Variants in RET observed in about 807,000 individuals in gnomAD.
RET encodes the protein proto-oncogene tyrosine-protein kinase receptor Ret.
RET carries 19 observed loss-of-function variants against 118.3 expected under a neutral mutation model. The observed-to-expected ratio is 0.16, with a 90% CI of 0.11 to 0.24. RET has a LOEUF of 0.24. Among genes scored for constraint, RET ranks in the 10% least tolerant of loss-of-function variants. The probability of loss-of-function intolerance (pLI) is 1.00; values close to 1 mark genes in which losing one functional copy is unlikely to be tolerated. For synonymous variants in RET, 597 were observed against 644.1 expected, an observed-to-expected ratio of 0.93 and a Z score of 1.11; for missense variants, 1,219 against 1,502.1, an observed-to-expected ratio of 0.81 and a Z score of 3.12.
chr10:43,099,635 T>C (rs1367176729), intron 1 of RET, among the ~76,000 whole-genome samples: 3 of 152,224 alleles, frequency 2.0e-5, no homozygotes, highest in African/African-American at 7.2e-5. Flanking sequence ...ATCTGCACCC[T>C]TCTCAGGATA....
In RET at chr10:43,096,280, C is replaced by T. The variant is rs893346376; in HGVS notation, c.74-4179C>T. 3.3e-5 allele frequency among the ~76,000 whole-genome samples: 5 copies of T among 152,222 alleles called. 1 individual carries two copies. Among genetic ancestry groups the T allele is most frequent in the Non-Finnish European group, 5.9e-5 (4 of 67,992 alleles). ...CAGGCGGCCCTTCTAGGCAGAAAGG[C>T]GGCAGCAGGATGGGAAGCCAACCAG... On this transcript the variant is annotated intron_variant, in intron 1 of 19. Coordinates refer to ENST00000355710, the MANE Select transcript of RET (RefSeq NM_020975.6).
intron 1 of RET, among the ~76,000 whole-genome samples, chr10:43,086,853 AGGGCC>A (rs1837299151): frequency 6.6e-6 from 1 of 152,224 alleles, no homozygotes; most frequent in African/African-American, 2.4e-5. Flanking sequence ...CGTGCAGCTT[AGGGCC>A]TGGGCCCCTC....
chr10:43,083,323 A>G (rs1837225484), intron 1 of RET, among the ~76,000 whole-genome samples: 1 of 152,018 alleles, frequency 6.6e-6, no homozygotes, highest in African/African-American at 2.4e-5. Flanking sequence ...CCTCCCCACC[A>G]CCTGTATATG....
chr10:43,103,116 C>A (rs569094341), intron 3 of RET, among the ~76,000 whole-genome samples: 1 of 152,190 alleles, frequency 6.6e-6, no homozygotes, highest in East Asian at 1.9e-4. Flanking sequence ...GTGCACTGAG[C>A]GACAGGGAAG....
chr10:43,090,824 G>C (rs1226321404), intron 1 of RET, among the ~76,000 whole-genome samples: 3 of 149,922 alleles, frequency 2.0e-5, no homozygotes, highest in African/African-American at 7.3e-5. Context: ...TGGCACCGAG[G>C]GCTGGCCCTA....
At chr10:43,121,800 T>A (rs544217521) in intron 15 of RET, 146 bp from the exon 16 acceptor site, 1 of 716,284 alleles carries the variant, frequency 1.4e-6, no homozygotes, top group South Asian at 1.4e-5. Flanking sequence ...CCTTCAAAGA[T>A]GTGTGTGGCC....
At chr10:43,080,490 C>T (rs1356353225) in intron 1 of RET, among the ~76,000 whole-genome samples, 5 of 152,232 alleles carry the variant, frequency 3.3e-5, no homozygotes, top group East Asian at 3.9e-4. Context: ...GGACTCGAAC[C>T]GGTAGAGAGG....
intron 2 of RET, among the ~76,000 whole-genome samples, chr10:43,101,316 C>T (rs1837638460): frequency 6.6e-6 from 1 of 152,254 alleles, no homozygotes; most frequent in African/African-American, 2.4e-5. Context: ...ATCCCTAGCA[C>T]CCCTCCAGGG....
rs2132816338 is a variant in RET at position 43,112,933 on chromosome 10, G to C, written c.1729G>C (p.Asp577His). ...CCACTGCGATGTTGTGGAGACCCAA[G>C]ACATCAACATTTGCCCTCAGGACTG... ...DGHCDVVETQ[D>H]INICPQDCLR... is the part of the protein sequence containing the mutation. Residue 577 changes from aspartate (D) to histidine (H), a missense_variant, in exon 9 of 20, where the codon GAC becomes CAC. By Grantham distance (81) the Asp-to-His change is moderately conservative. Transcript: ENST00000355710. 6.2e-7 allele frequency: 1 copy of C among 1,614,146 alleles called. No individual in the cohort carries two copies. The highest frequency in any genetic ancestry group is 8.5e-7 in the Non-Finnish European group (1 of 1,179,992).
chr10:43,086,915 A>C (rs946383949), intron 1 of RET, among the ~76,000 whole-genome samples: 3 of 152,242 alleles, frequency 2.0e-5, no homozygotes, highest in Non-Finnish European at 2.9e-5. Context: ...TTGGGCTGCC[A>C]GGTCCCCCAG....
At chr10:43,089,963 C>T (rs1261422764) in intron 1 of RET, among the ~76,000 whole-genome samples, 1 of 152,174 alleles carries the variant, frequency 6.6e-6, no homozygotes, top group African/African-American at 2.4e-5. Context: ...GCAGGACTCC[C>T]ACAGGTGGAG....
In RET at chr10:43,111,481, A is replaced by C. The variant is rs1588871514; in HGVS notation, c.1522+16A>C. On this transcript the variant is annotated intron_variant, in intron 7 of 19. Coordinates refer to ENST00000355710, the MANE Select transcript of RET (RefSeq NM_020975.6). ...GAGGGGTCATGTGAGTGCCTGCTCC[A>C]GGGAGGGAGGGTCGGGGTCCTGGGG... 109 of 1,056,878 alleles carry C rather than the reference A, an allele frequency of 1.0e-4. No homozygotes were observed. The highest frequency in any genetic ancestry group is 1.3e-4 in the Non-Finnish European group (97 of 720,274). The allele number at this position is 1,056,878 out of a possible 1,614,324, so 65.5% of individuals were successfully genotyped here. A position where few individuals can be genotyped will look rare whatever the true frequency, so the allele number is the denominator to read the frequency against.
At position 43,114,365 on chromosome 10, in the gene RET, C is replaced by T; in HGVS notation, c.1880-115C>T. 2 of 1,450,702 alleles carry T rather than the reference C, an allele frequency of 1.4e-6. No homozygotes were observed. Among genetic ancestry groups the T allele is most frequent in the Non-Finnish European group, 1.9e-6 (2 of 1,063,392 alleles). The allele number at this position is 1,450,702 out of a possible 1,614,324, so 89.9% of individuals were successfully genotyped here. The stretch of plus-strand genomic sequence containing the variant: ...CCTTCCCACACCTCCATGGCCACTT[C>T]CCAGCTGGCGCGGACACGGCAGGCT... On this transcript the variant is annotated intron_variant, in intron 10 of 19. Coordinates refer to ENST00000355710, the MANE Select transcript of RET (RefSeq NM_020975.6). This position sits in a 1 kb window ranked among gnomAD's most constrained non-coding sequence, Gnocchi z 4.6.
chr10:43,111,614 G>A (rs2132782607), intron 7 of RET, 149 bp downstream of exon 7: 1 of 870,432 alleles, frequency 1.1e-6, no homozygotes, highest in Non-Finnish European at 1.7e-6. Flanking sequence ...TGACCCAGCA[G>A]TAAATGGTTG....
chr10:43,129,876 T>C lies in RET; in HGVS notation c.*1607T>C, dbSNP rs1838411587. ...TGTTTTTCAGATACACTGTGATAAGTTCTTTTACAAATATCTATAGACATG... is the reference window on the plus strand; with the variant it reads ...TGTTTTTCAGATACACTGTGATAAGCTCTTTTACAAATATCTATAGACATG... On this transcript the variant is annotated 3_prime_UTR_variant, in exon 20 of 20. Coordinates refer to ENST00000355710, the MANE Select transcript of RET (RefSeq NM_020975.6). 2.5e-6 allele frequency: 1 copy of C among 398,632 alleles called. No individual in the cohort carries two copies. The highest frequency in any genetic ancestry group is 2.1e-5 in the African/African-American group (1 of 48,630). 24.7% of individuals were successfully genotyped at this position (398,632 alleles called of 1,614,324 possible).
intron 18 of RET, among the ~76,000 whole-genome samples, chr10:43,125,516 A>G (rs1352341918): frequency 6.6e-6 from 1 of 152,190 alleles, no homozygotes; most frequent in Admixed American, 6.5e-5. Context: ...TTTATTGTTA[A>G]CAATTCATTT....
At chr10:43,126,437 G>T in intron 18 of RET, 138 bp from the exon 19 acceptor site, 1 of 829,428 alleles carries the variant, frequency 1.2e-6, no homozygotes, top group South Asian at 1.4e-5. Context: ...CCTGGCCCTG[G>T]TCTCTTGGAG....
At chr10:43,082,546 G>T (rs1837207575) in intron 1 of RET, among the ~76,000 whole-genome samples, 1 of 152,144 alleles carries the variant, frequency 6.6e-6, no homozygotes, top group Non-Finnish European at 1.5e-5. Context: ...TACAGCCCCA[G>T]GTTCTAGACC....
intron 8 of RET, among the ~76,000 whole-genome samples, chr10:43,112,540 G>A (rs1456439401): frequency 6.6e-6 from 1 of 152,174 alleles, no homozygotes; most frequent in African/African-American, 2.4e-5. Flanking sequence ...GTGTGGGCAG[G>A]GGACTCATTG....
Sources: allele counts gnomAD v4.1 joint callset (sites outside exome capture counted in the v4.1 genomes callset), GRCh38; gene constraint gnomAD v4.1.1; non-coding constraint Gnocchi (gnomAD v3.1); transcripts MANE v1.5; gene names NCBI Gene and HGNC (gene_info 2026-07-23, HGNC 2026-07-21).